RFX3: variants seen among roughly 807,000 people sequenced by gnomAD.
The protein encoded by RFX3 is regulatory factor X3.
RFX3 carries 14 observed loss-of-function variants against 98.6 expected under a neutral mutation model. That is an observed-to-expected ratio of 0.14 (90% CI 0.09 to 0.22). The LOEUF (loss-of-function observed/expected upper bound fraction) is 0.22, where lower values mean the gene tolerates loss of function less well. RFX3 is among the 10% of genes least tolerant of loss of function. The pLI is 1.00. For missense variants in RFX3, 639 were observed against 926.9 expected (o/e 0.69, Z 4.03); for synonymous variants, 383 against 328.4 (o/e 1.17, Z -1.80).
At chr9:3,449,621 G>C (rs1352745148) in intron 1 of RFX3, among the ~76,000 whole-genome samples, 1 of 152,198 alleles carries the variant, frequency 6.6e-6, no homozygotes, top group East Asian at 1.9e-4. Flanking sequence ...GAACTGGGGA[G>C]GCCAAGGAGC....
intron 1 of RFX3, among the ~76,000 whole-genome samples, chr9:3,443,616 T>C (rs923125816): frequency 6.6e-6 from 1 of 152,214 alleles, no homozygotes; most frequent in East Asian, 1.9e-4. Flanking sequence ...TGATGGGCAT[T>C]TGGGTTGATT....
chr9:3,231,146 T>C lies in RFX3; in HGVS notation c.1969-2257A>G, dbSNP rs555612937. Among the ~76,000 whole-genome samples the C allele has an allele frequency of 2.3e-3, 344 of 152,300 alleles. 1 individual carries two copies. Among genetic ancestry groups the C allele is most frequent in the Non-Finnish European group, 3.7e-3 (251 of 68,024 alleles). On this transcript the variant is annotated intron_variant, in intron 15 of 16. Transcript: ENST00000617270. ...ACTATGGGGGACAATGTACAAAGAA[T>C]GTCAGAGACACTGTCAATACCTCTA...
At position 3,517,479 on chromosome 9, in the gene RFX3, AACTCCT is replaced by A. The variant is rs1741605293; in HGVS notation, c.-9+8262_-9+8267del. Among the ~76,000 whole-genome samples, 3 of 152,278 alleles carry A rather than the reference AACTCCT, an allele frequency of 2.0e-5. No homozygotes were observed. In the South Asian group the frequency reaches 6.2e-4, roughly 32 times the overall value. On this transcript the variant is annotated intron_variant, in intron 1 of 16. Coordinates refer to ENST00000617270, the MANE Select transcript of RFX3 (RefSeq NM_001282116.2). ...TCACTCTATTAGTTTTCCTAAGCTCAACTCCTATTACCCAATACCTCATTTTTGCCT... is the reference window on the plus strand; with the variant it reads ...TCACTCTATTAGTTTTCCTAAGCTCAATTACCCAATACCTCATTTTTGCCT...
At chr9:3,233,076 C>G (rs1818692140) in intron 15 of RFX3, among the ~76,000 whole-genome samples, 1 of 152,208 alleles carries the variant, frequency 6.6e-6, no homozygotes, top group Admixed American at 6.5e-5. Context: ...ATCCTATAGA[C>G]TATTTCCTCT....
chr9:3,335,524 G>A (rs1004778373), intron 3 of RFX3, among the ~76,000 whole-genome samples: 7 of 152,210 alleles, frequency 4.6e-5, no homozygotes, highest in African/African-American at 1.4e-4. Flanking sequence ...ATATCAGATT[G>A]AAAGCAGCTA....
At chr9:3,297,303 A>G (rs1428025920) in intron 5 of RFX3, among the ~76,000 whole-genome samples, 6 of 152,124 alleles carry the variant, frequency 3.9e-5, no homozygotes. Flanking sequence ...GAATGATTTC[A>G]AAAGCCCATA....
intron 1 of RFX3, among the ~76,000 whole-genome samples, chr9:3,424,372 T>TGGG (rs1285931862): frequency 8.1e-6 from 1 of 122,970 alleles, no homozygotes; most frequent in African/African-American, 3.1e-5. Context: ...TTTTTTTTTT[T>TGGG]TTTTTTTGAG....
rs541800296 is a variant in RFX3, at chr9:3,437,313, T to C, written c.-8-41717A>G. 5.9e-5 allele frequency among the ~76,000 whole-genome samples: 9 copies of C among 152,174 alleles called. No individual in the cohort carries two copies. In the South Asian group the frequency reaches 1.9e-3, roughly 31 times the overall value. On this transcript the variant is annotated intron_variant, in intron 1 of 16. Coordinates refer to ENST00000617270, the MANE Select transcript of RFX3 (RefSeq NM_001282116.2). The stretch of plus-strand genomic sequence containing the variant: ...TTGGCATCATTCGTCAGCTTACAAA[T>C]CATCAGTCCTAACTACTATAGACAT...
intron 2 of RFX3, among the ~76,000 whole-genome samples, chr9:3,365,013 A>C (rs1451325351): frequency 6.6e-6 from 1 of 152,074 alleles, no homozygotes; most frequent in Non-Finnish European, 1.5e-5. Context: ...AAGTAAAAAA[A>C]GTAACAGGCC....
chr9:3,287,274 C>A (rs1453540357), intron 7 of RFX3, among the ~76,000 whole-genome samples: 4 of 151,908 alleles, frequency 2.6e-5, no homozygotes, highest in African/African-American at 9.7e-5. Flanking sequence ...GATCATTACA[C>A]TGGGACCTAT....
At chr9:3,436,423 A>G (rs995623527) in intron 1 of RFX3, among the ~76,000 whole-genome samples, 4 of 152,108 alleles carry the variant, frequency 2.6e-5, no homozygotes, top group African/African-American at 9.7e-5. Context: ...TTTAATAACT[A>G]GAGTCTAGCA....
intron 1 of RFX3, among the ~76,000 whole-genome samples, chr9:3,522,556 CGTGT>C (rs111656079): frequency 0.099 from 14,425 of 145,218 alleles, 1,381 homozygotes; most frequent in African/African-American, 0.26. Flanking sequence ...AGTGTGTGTG[CGTGT>C]GTGTGTGTGT....
intron 4 of RFX3, among the ~76,000 whole-genome samples, chr9:3,320,585 T>C (rs1831151717): frequency 6.6e-6 from 1 of 151,094 alleles, no homozygotes; most frequent in Admixed American, 6.6e-5. Context: ...AAAAAAACTT[T>C]AGGATATCTT....
At chr9:3,373,766 A>G (rs1483992549) in intron 2 of RFX3, among the ~76,000 whole-genome samples, 1 of 152,130 alleles carries the variant, frequency 6.6e-6, no homozygotes, top group Non-Finnish European at 1.5e-5. Flanking sequence ...AGAAAGAAAA[A>G]GAAAAACAGA....
At chr9:3,457,100 C>A (rs1190429106) in intron 1 of RFX3, among the ~76,000 whole-genome samples, 2 of 135,444 alleles carry the variant, frequency 1.5e-5, no homozygotes, top group Non-Finnish European at 3.0e-5. Flanking sequence ...GAGATCGCAC[C>A]ACTGCGCTCC....
intron 15 of RFX3, among the ~76,000 whole-genome samples, chr9:3,240,444 A>G (rs1819759548): frequency 6.6e-6 from 1 of 152,154 alleles, no homozygotes; most frequent in Non-Finnish European, 1.5e-5. Flanking sequence ...CTATCAGAGG[A>G]CTATATCTTA....
At chr9:3,367,683 C>CTT (rs1425464937) in intron 2 of RFX3, among the ~76,000 whole-genome samples, 1 of 152,202 alleles carries the variant, frequency 6.6e-6, no homozygotes, top group African/African-American at 2.4e-5. Flanking sequence ...ACCACTTCCC[C>CTT]TTTCTTTGCT....
At chr9:3,348,951 C>T (rs1464552262) in intron 2 of RFX3, among the ~76,000 whole-genome samples, 1 of 151,994 alleles carries the variant, frequency 6.6e-6, no homozygotes, top group African/African-American at 2.4e-5. Context: ...TCAAAAAAGC[C>T]CTGGCTCTTC....
rs555162920 is a variant in RFX3 at position 3,464,499 on chromosome 9, A to G, written c.-9+61248T>C. On this transcript the variant is annotated intron_variant, in intron 1 of 16. Transcript: ENST00000617270. ...TGATACATATACAGCTAAAATCTAA[A>G]AGAGGCCAGGTGCAAAAACTACATA... 1.7e-4 allele frequency among the ~76,000 whole-genome samples: 26 copies of G among 152,314 alleles called. No individual in the cohort carries two copies. The South Asian group carries it at 4.8e-3, about 28-fold the overall frequency.
Sources: allele counts gnomAD v4.1 joint callset (sites outside exome capture counted in the v4.1 genomes callset), GRCh38; gene constraint gnomAD v4.1.1; transcripts MANE v1.5; gene names NCBI Gene and HGNC (gene_info 2026-07-23, HGNC 2026-07-21).